The following BNC2 variants were observed in gnomAD, a reference collection of about 807,000 sequenced individuals.
The protein encoded by BNC2 is zinc finger protein basonuclin-2.
BNC2 carries 20 observed loss-of-function variants against 76.3 expected under a neutral mutation model. That is an observed-to-expected ratio of 0.26 (90% CI 0.18 to 0.38). BNC2 has a LOEUF of 0.38. BNC2 is among the 10% of genes least tolerant of loss of function. The pLI, the probability that BNC2 is intolerant of heterozygous loss-of-function variation, is 1.00. For synonymous variants in BNC2, 582 were observed against 514.8 expected, an observed-to-expected ratio of 1.13 and a Z score of -1.77; for missense variants, 1,382 against 1,399.8, an observed-to-expected ratio of 0.99 and a Z score of 0.20.
At chr9:16,838,561 T>TA (rs1048980804) in intron 1 of BNC2, among the ~76,000 whole-genome samples, 6 of 151,914 alleles carry the variant, frequency 3.9e-5, no homozygotes, top group African/African-American at 1.5e-4. Context: ...AACTCCGTGT[T>TA]AAAAAAAAGA....
intron 1 of BNC2, among the ~76,000 whole-genome samples, chr9:16,771,377 G>A (rs749930162): frequency 1.3e-5 from 2 of 152,172 alleles, no homozygotes; most frequent in East Asian, 1.9e-4. Context: ...GATTGTGTAG[G>A]ACAATGTGTT....
chr9:16,473,729 C>T (rs925899794), intron 5 of BNC2, among the ~76,000 whole-genome samples: 2 of 152,050 alleles, frequency 1.3e-5, no homozygotes, highest in East Asian at 1.9e-4. Context: ...AAAAATTAGC[C>T]GGGTGTGGTG....
At chr9:16,613,079 A>T (rs901683762) in intron 3 of BNC2, among the ~76,000 whole-genome samples, 12 of 152,216 alleles carry the variant, frequency 7.9e-5, no homozygotes, top group Admixed American at 2.0e-4. Flanking sequence ...GAGAATACCT[A>T]GGACCATAAG....
intron 3 of BNC2, among the ~76,000 whole-genome samples, chr9:16,695,713 G>C (rs1823318969): frequency 1.3e-5 from 2 of 151,872 alleles, no homozygotes; most frequent in Non-Finnish European, 2.9e-5. Context: ...TAAGTGACGT[G>C]AAGCTCTTCT....
At chr9:16,587,257 A>G (rs913511695) in intron 3 of BNC2, among the ~76,000 whole-genome samples, 4 of 143,090 alleles carry the variant, frequency 2.8e-5, no homozygotes, top group African/African-American at 1.0e-4. Flanking sequence ...TCTGTCACCC[A>G]GGCTGGAGTA....
At chr9:16,833,167 T>G (rs1049390095) in intron 1 of BNC2, among the ~76,000 whole-genome samples, 3 of 152,190 alleles carry the variant, frequency 2.0e-5, no homozygotes, top group Non-Finnish European at 4.4e-5. Flanking sequence ...ACCCTTCTCT[T>G]GCCACCACCA....
intron 1 of BNC2, among the ~76,000 whole-genome samples, chr9:16,855,783 C>T (rs1819239639): frequency 6.6e-6 from 1 of 151,958 alleles, no homozygotes; most frequent in African/African-American, 2.4e-5. Context: ...CTCCTGACCC[C>T]ATGATCTGCC....
intron 3 of BNC2, among the ~76,000 whole-genome samples, chr9:16,612,880 T>C (rs760821236): frequency 3.9e-5 from 6 of 152,138 alleles, no homozygotes; most frequent in Non-Finnish European, 7.4e-5. Flanking sequence ...ATGTCTTGTT[T>C]TACTTGGCAC....
intron 4 of BNC2, among the ~76,000 whole-genome samples, chr9:16,560,445 T>C (rs947207637): frequency 1.2e-4 from 18 of 152,146 alleles, no homozygotes; most frequent in African/African-American, 3.4e-4. Context: ...GGTGTGGTGG[T>C]ACATGCCTGA....
intron 3 of BNC2, among the ~76,000 whole-genome samples, chr9:16,653,572 C>A (rs1009374284): frequency 3.8e-4 from 57 of 152,000 alleles, no homozygotes; most frequent in African/African-American, 1.2e-3. Flanking sequence ...GGGGGCCTGG[C>A]GGGGGAAGTG....
chr9:16,452,482 G>C (rs1821362372), intron 5 of BNC2, among the ~76,000 whole-genome samples: 2 of 152,088 alleles, frequency 1.3e-5, no homozygotes, highest in South Asian at 2.1e-4. Flanking sequence ...GAATGCAGTG[G>C]CACGATATTG....
chr9:16,520,090 T>C (rs1817570595), intron 5 of BNC2, among the ~76,000 whole-genome samples: 1 of 152,234 alleles, frequency 6.6e-6, no homozygotes. Flanking sequence ...TGCAGGATGA[T>C]GTCTGCTCCC....
chr9:16,685,929 G>A (rs1008985667), intron 3 of BNC2, among the ~76,000 whole-genome samples: 24 of 152,036 alleles, frequency 1.6e-4, no homozygotes, highest in African/African-American at 5.6e-4. Context: ...ACAGGAGGAG[G>A]GAGACAGAAG....
At chr9:16,819,782 CA>C (rs1024986096) in intron 1 of BNC2, among the ~76,000 whole-genome samples, 9 of 151,994 alleles carry the variant, frequency 5.9e-5, no homozygotes, top group African/African-American at 2.2e-4. Flanking sequence ...AATATCATCT[CA>C]TTTAATTTCC....
chr9:16,432,818 ACTT>A (rs1820932727), intron 6 of BNC2, among the ~76,000 whole-genome samples: 1 of 152,150 alleles, frequency 6.6e-6, no homozygotes, highest in Non-Finnish European at 1.5e-5. Flanking sequence ...AGGTAAGAAA[ACTT>A]GTCTTAGCTT....
chr9:16,527,438 A>G (rs1164402503), intron 5 of BNC2, among the ~76,000 whole-genome samples: 3 of 152,116 alleles, frequency 2.0e-5, no homozygotes, highest in Admixed American at 6.5e-5. Context: ...CTTATCATCT[A>G]TTGTTCAAAA....
chr9:16,510,417 G>T (rs990501500), intron 5 of BNC2, among the ~76,000 whole-genome samples: 1 of 152,126 alleles, frequency 6.6e-6, no homozygotes, highest in African/African-American at 2.4e-5. Flanking sequence ...ATAAAATTAG[G>T]ATATAAAAAG....
chr9:16,616,766 G>A (rs540232099), intron 3 of BNC2, among the ~76,000 whole-genome samples: 26 of 121,388 alleles, frequency 2.1e-4, no homozygotes, highest in Admixed American at 1.9e-3. Flanking sequence ...GGAAGACAGG[G>A]ATGGGAGGGG....
intron 3 of BNC2, among the ~76,000 whole-genome samples, chr9:16,718,921 A>C (rs1231621003): frequency 6.6e-6 from 1 of 152,210 alleles, no homozygotes; most frequent in Non-Finnish European, 1.5e-5. Flanking sequence ...CACTACCATA[A>C]TGTGGCAATA....
Sources: gnomAD v4.1 joint callset for allele counts (sites outside exome capture counted in the v4.1 genomes callset) on GRCh38, gnomAD v4.1.1 for gene constraint, MANE v1.5 for transcripts, NCBI Gene and HGNC (gene_info 2026-07-23, HGNC 2026-07-21) for gene names.